The following ERBB4 variants were observed in gnomAD, a reference collection of about 807,000 sequenced individuals.
ERBB4 encodes the protein erb-b2 receptor tyrosine kinase 4.
In ERBB4, 42 loss-of-function variants were observed where a neutral mutation model predicts 158.0. The ratio of observed to expected loss-of-function variants is 0.27; its 90% CI spans 0.21 to 0.34. The LOEUF is 0.34. ERBB4 is among the 10% of genes least tolerant of loss of function. The probability of loss-of-function intolerance (pLI) is 1.00; values close to 1 mark genes in which losing one functional copy is unlikely to be tolerated. For missense variants in ERBB4, 1,333 were observed against 1,624.1 expected (o/e 0.82, Z 3.08); for synonymous variants, 583 against 558.7 (o/e 1.04, Z -0.61).
chr2:212,450,018 G>A (rs908851435), intron 1 of ERBB4, among the ~76,000 whole-genome samples: 5 of 152,108 alleles, frequency 3.3e-5, no homozygotes, highest in African/African-American at 9.7e-5. Flanking sequence ...TGTTTAAAAA[G>A]GAATGAATCA....
At chr2:211,645,377 T>C (rs2070749068) in intron 16 of ERBB4, among the ~76,000 whole-genome samples, 1 of 151,694 alleles carries the variant, frequency 6.6e-6, no homozygotes, top group Non-Finnish European at 1.5e-5. Flanking sequence ...ATATTATTTA[T>C]AATTTCAAAA....
At chr2:211,435,485 C>T (rs2063829285) in intron 20 of ERBB4, among the ~76,000 whole-genome samples, 1 of 152,192 alleles carries the variant, frequency 6.6e-6, no homozygotes. Flanking sequence ...CAGGGATCCC[C>T]AACCCCTGGG....
intron 16 of ERBB4, among the ~76,000 whole-genome samples, chr2:211,657,241 G>T (rs532236018): frequency 1.3e-5 from 2 of 151,386 alleles, no homozygotes; most frequent in African/African-American, 4.9e-5. Flanking sequence ...GGGCACAGTG[G>T]CTCACACTTG....
chr2:211,576,635 C>G (rs2067901269), intron 19 of ERBB4, among the ~76,000 whole-genome samples: 1 of 152,038 alleles, frequency 6.6e-6, no homozygotes, highest in African/African-American at 2.4e-5. Flanking sequence ...TCTATACATT[C>G]ACAAGGGTAC....
chr2:212,346,967 A>G (rs1348313930), intron 1 of ERBB4, among the ~76,000 whole-genome samples: 1 of 152,132 alleles, frequency 6.6e-6, no homozygotes, highest in Non-Finnish European at 1.5e-5. Flanking sequence ...ATTGAAAATA[A>G]AACCATGTGG....
chr2:211,385,701 C>G (rs1397582100), intron 27 of ERBB4, among the ~76,000 whole-genome samples: 1 of 152,276 alleles, frequency 6.6e-6, no homozygotes, highest in East Asian at 1.9e-4. Flanking sequence ...CAGTGTGACT[C>G]TATAGGGTGA....
chr2:211,893,219 T>C (rs1410107984), intron 3 of ERBB4, among the ~76,000 whole-genome samples: 1 of 144,570 alleles, frequency 6.9e-6, no homozygotes, highest in Admixed American at 6.8e-5. Context: ...GAGATATAGA[T>C]CAATGGAACA....
At chr2:212,003,891 C>A (rs977186196) in intron 2 of ERBB4, among the ~76,000 whole-genome samples, 4 of 152,090 alleles carry the variant, frequency 2.6e-5, no homozygotes, top group Non-Finnish European at 5.9e-5. Flanking sequence ...AAGCTCCAGT[C>A]CCCTCAACGT....
At position 212,408,351 on chromosome 2, in the gene ERBB4, C is replaced by G. The variant is rs911052783; in HGVS notation, c.82+130098G>C. ...GCGAGAACATGCGGTGTTTGGTTTT[C>G]TGTTCCTACGTTAAGTTTCCTGAGG... is the stretch of plus-strand genomic sequence containing the variant. On this transcript the variant is annotated intron_variant, in intron 1 of 27. Coordinates refer to ENST00000342788, the MANE Select transcript of ERBB4 (RefSeq NM_005235.3). 3.3e-5 allele frequency among the ~76,000 whole-genome samples: 5 copies of G among 152,148 alleles called. No homozygotes were observed. In the East Asian group the frequency reaches 9.7e-4, roughly 29 times the overall value.
At position 211,956,807 on chromosome 2, in the gene ERBB4, C is replaced by G. The variant is rs146700993; in HGVS notation, c.235-9191G>C. Among the ~76,000 whole-genome samples, 190 of 151,996 alleles carry G rather than the reference C, an allele frequency of 1.3e-3. 1 individual carries two copies. The highest frequency in any genetic ancestry group is 0.01 in the Middle Eastern group (3 of 292). On this transcript the variant is annotated intron_variant, in intron 2 of 27. Transcript: ENST00000342788. ...ATTATCTATTGTTGGCTAAATATGA[C>G]CACTCCCTAAAATAAATTTATTCAT...
intron 1 of ERBB4, among the ~76,000 whole-genome samples, chr2:212,144,103 T>C (rs774984493): frequency 4.0e-4 from 61 of 152,164 alleles, no homozygotes; most frequent in East Asian, 7.7e-4. Flanking sequence ...TTGGCTACCA[T>C]TGAAACTGTG....
At chr2:212,297,021 C>T (rs976108395) in intron 1 of ERBB4, among the ~76,000 whole-genome samples, 20 of 151,814 alleles carry the variant, frequency 1.3e-4, no homozygotes, top group African/African-American at 3.1e-4. Flanking sequence ...GCTCATAACT[C>T]GAGGTTAAAC....
chr2:212,415,997 A>G (rs1288086586), intron 1 of ERBB4, among the ~76,000 whole-genome samples: 1 of 152,170 alleles, frequency 6.6e-6, no homozygotes, highest in Non-Finnish European at 1.5e-5. Context: ...AAGAATTTCA[A>G]GACAGCAGCA....
intron 1 of ERBB4, among the ~76,000 whole-genome samples, chr2:212,399,545 CATATAT>C (rs869111881): frequency 2.4e-3 from 90 of 38,072 alleles, no homozygotes; most frequent in East Asian, 9.0e-3. Flanking sequence ...TTTATATATA[CATATAT>C]ATATATATAT....
intron 10 of ERBB4, among the ~76,000 whole-genome samples, chr2:211,705,018 G>A (rs1417361787): frequency 6.6e-6 from 1 of 152,026 alleles, no homozygotes; most frequent in East Asian, 1.9e-4. Flanking sequence ...GTGCAGCAGC[G>A]TGATCTTGGC....
intron 2 of ERBB4, among the ~76,000 whole-genome samples, chr2:212,042,358 T>G (rs527429724): frequency 3.8e-4 from 58 of 152,210 alleles, no homozygotes; most frequent in Non-Finnish European, 7.4e-4. Context: ...CTATATTAGA[T>G]TCTACCTGAA....
chr2:211,606,968 T>C (rs1049463162), intron 19 of ERBB4, among the ~76,000 whole-genome samples: 3 of 152,146 alleles, frequency 2.0e-5, no homozygotes, highest in African/African-American at 4.8e-5. Context: ...ATTTTCCACA[T>C]GCTTGCTAGA....
chr2:212,509,790 T>A (rs1322380705), intron 1 of ERBB4, among the ~76,000 whole-genome samples: 1 of 151,962 alleles, frequency 6.6e-6, no homozygotes, highest in East Asian at 1.9e-4. Context: ...AATTATTAGA[T>A]GTATAAAAAG....
intron 3 of ERBB4, among the ~76,000 whole-genome samples, chr2:211,816,907 C>G (rs1193337986): frequency 6.6e-6 from 1 of 152,126 alleles, no homozygotes; most frequent in East Asian, 1.9e-4. Flanking sequence ...GTACTGTTTT[C>G]TAGATGACAT....
Sources: gnomAD v4.1 joint callset for allele counts (sites outside exome capture counted in the v4.1 genomes callset) on GRCh38, gnomAD v4.1.1 for gene constraint, MANE v1.5 for transcripts, NCBI Gene and HGNC (gene_info 2026-07-23, HGNC 2026-07-21) for gene names.